Variants in TSC2 observed in about 807,000 individuals in gnomAD.
TSC2 encodes TSC complex subunit 2.
A neutral mutation model predicts 202.2 loss-of-function variants in TSC2; 29 were observed. The ratio of observed to expected loss-of-function variants is 0.14; its 90% CI spans 0.11 to 0.20. The LOEUF (loss-of-function observed/expected upper bound fraction) is 0.20, where lower values mean the gene tolerates loss of function less well. Ranked by LOEUF, TSC2 falls within the 10% of genes least tolerant of loss-of-function variation. The pLI is 1.00. For missense variants in TSC2, 2,429 were observed against 2,420.0 expected, an observed-to-expected ratio of 1.00 and a Z score of -0.08; for synonymous variants, 1,349 against 1,044.0, an observed-to-expected ratio of 1.29 and a Z score of -5.63.
intron 3 of TSC2, among the ~76,000 whole-genome samples, chr16:2,051,919 G>A (rs914559500): frequency 6.6e-5 from 10 of 152,184 alleles, no homozygotes; most frequent in Non-Finnish European, 1.2e-4. Context: ...ACAAAAATTA[G>A]CTGGGCATGG....
intron 32 of TSC2, 40 bp downstream of exon 32, chr16:2,082,544 C>T (rs760466256): frequency 1.9e-6 from 3 of 1,601,914 alleles, no homozygotes; most frequent in East Asian, 2.2e-5. Flanking sequence ...TGCAGAGCGC[C>T]ACTCTGCCTC....
At chr16:2,077,793 T>C in intron 26 of TSC2, 67 bp downstream of exon 26, 4 of 1,600,996 alleles carry the variant, frequency 2.5e-6, no homozygotes, top group South Asian at 2.2e-5. Context: ...TGGGTGGCAG[T>C]GCATGGGGCT....
chr16:2,048,675 A>C lies in TSC2; in HGVS notation c.60A>C (p.Gly20=), dbSNP rs1060504108. The change falls in exon 2 of 42, where the codon GGA becomes GGC. Residue 20 remains glycine, a synonymous_variant. Coordinates refer to ENST00000219476, the MANE Select transcript of TSC2 (RefSeq NM_000548.5). ...AGGAGAAGTTTAAGATTCTGTTGGG[A>C]CTGGGAACACCGAGGCCAAATCCCA... The part of the protein sequence containing the change: ...GLKEKFKILL[G]LGTPRPNPRS... The C allele has an allele frequency of 2.5e-6, 4 of 1,613,996 alleles. No individual in the cohort carries two copies. The highest frequency in any genetic ancestry group is 3.4e-6 in the Non-Finnish European group (4 of 1,180,032).
At chr16:2,051,026 A>G (rs2085046750) in intron 3 of TSC2, among the ~76,000 whole-genome samples, 1 of 152,088 alleles carries the variant, frequency 6.6e-6, no homozygotes, top group Admixed American at 6.6e-5. Flanking sequence ...GCAACACCAG[A>G]AAGGATTTCT....
chr16:2,053,656 A>C, intron 4 of TSC2: 1 of 684,134 alleles, frequency 1.5e-6, no homozygotes, highest in Non-Finnish European at 2.7e-6. Flanking sequence ...CCTCGCCTGT[A>C]AACAGATGGT....
chr16:2,056,636 T>C lies in TSC2; in HGVS notation c.649-8T>C, dbSNP rs769803918. ...AGGACGGGCGTGAGCCGTCTCCCTC[T>C]CCACCAGGTCTCCCTGCAGGTGCTG... On this transcript the variant is annotated splice_region_variant and splice_polypyrimidine_tract_variant and intron_variant, in intron 7 of 41. Coordinates refer to ENST00000219476, the MANE Select transcript of TSC2 (RefSeq NM_000548.5). 9 of 1,609,398 alleles carry C rather than the reference T, an allele frequency of 5.6e-6. No individual in the cohort carries two copies. In the South Asian group the frequency reaches 9.9e-5, roughly 18 times the overall value.
chr16:2,084,032 A>C (rs560408260), intron 33 of TSC2, among the ~76,000 whole-genome samples, 196 bp from the exon 34 acceptor site: 1 of 152,238 alleles, frequency 6.6e-6, no homozygotes, highest in Non-Finnish European at 1.5e-5. Flanking sequence ...GGATGCTGAT[A>C]CCTCTGCTCA....
chr16:2,081,887 G>T, intron 31 of TSC2, 89 bp downstream of exon 31: 1 of 1,526,712 alleles, frequency 6.6e-7, no homozygotes, highest in Non-Finnish European at 8.9e-7. Flanking sequence ...TCTGCTGAGG[G>T]CGCCCACACG....
rs568015523 is a variant in TSC2, at chr16:2,082,454, T to C, written c.3833T>C (p.Leu1278Pro). 6.2e-7 allele frequency: 1 copy of C among 1,612,556 alleles called. No homozygotes were observed. Among genetic ancestry groups the C allele is most frequent in the African/African-American group, 1.3e-5 (1 of 75,066 alleles). The part of the protein sequence containing the change: ...RSNTVASFSS[L>P]YQSSCQGQLH... The stretch of plus-strand genomic sequence containing the variant: ...CTTGCAGTGGCCTCTTTCTCCTCCC[T>C]GTACCAGTCCAGCTGCCAAGGACAG... Residue 1278 changes from leucine to proline, a missense_variant, in exon 32 of 42, where the codon CTG becomes CCG. Physicochemically the swap from Leu to Pro is moderately conservative, Grantham distance 98. Transcript: ENST00000219476.
chr16:2,048,803 G>A lies in TSC2; in HGVS notation c.138+50G>A, dbSNP rs777075671. 31 of 1,612,854 alleles carry A rather than the reference G, an allele frequency of 1.9e-5. No homozygotes were observed. In the East Asian group the frequency reaches 6.0e-4, roughly 31 times the overall value. On this transcript the variant is annotated intron_variant, in intron 2 of 41. Transcript: ENST00000219476. ...CTAGGCTAGAGGGAAATGCAGAGAA[G>A]GCTGGGTTTGGTCTTGCACCAGGTT...
At chr16:2,076,831 T>C (rs1409419435) in intron 25 of TSC2, among the ~76,000 whole-genome samples, 1 of 152,128 alleles carries the variant, frequency 6.6e-6, no homozygotes, top group African/African-American at 2.4e-5. Context: ...GGGGTTGGGG[T>C]GCAAGCTTTA....
At chr16:2,051,817 C>A (rs1272745560) in intron 3 of TSC2, among the ~76,000 whole-genome samples, 16 of 152,176 alleles carry the variant, frequency 1.1e-4, no homozygotes, top group Admixed American at 1.0e-3. Flanking sequence ...GTAATCCCAG[C>A]ACTTTGGGAG....
rs1056551211 is a variant in TSC2 at position 2,088,853 on chromosome 16, C to G, written c.*243C>G. The G allele has an allele frequency of 5.2e-6, 3 of 575,134 alleles. No homozygotes were observed. Among genetic ancestry groups the G allele is most frequent in the African/African-American group, 1.9e-5 (1 of 51,582 alleles). 35.6% of individuals were successfully genotyped at this position (575,134 alleles called of 1,614,324 possible). ...CCGAGGGCCTTGAGGCTGCCTGGGC[C>G]ATACAGCACACTCGCGCGTGCGCGC... On this transcript the variant is annotated 3_prime_UTR_variant, in exon 42 of 42. Transcript: ENST00000219476.
rs746773089 is a variant in TSC2 at position 2,079,474 on chromosome 16, G to A, written c.3284+46G>A. On this transcript the variant is annotated intron_variant, in intron 28 of 41. Transcript: ENST00000219476. The surrounding 1 kb of genome is among the most constrained non-coding windows in gnomAD (Gnocchi z 4.6). ...TCCGCGCCTGCCAGCCTCGACACCG[G>A]CTGTCCCGAGCCCAGGCCCACGTGG... 6.2e-7 allele frequency: 1 copy of A among 1,611,182 alleles called. No homozygotes were observed. Among genetic ancestry groups the A allele is most frequent in the South Asian group, 1.1e-5 (1 of 90,898 alleles).
At chr16:2,055,001 C>T (rs2096171009) in intron 5 of TSC2, 1 of 351,656 alleles carries the variant, frequency 2.8e-6, no homozygotes, top group African/African-American at 2.1e-5. Context: ...GTCAGGTTTC[C>T]TGTCTGAGGT....
intron 37 of TSC2, among the ~76,000 whole-genome samples, 156 bp from the exon 38 acceptor site, chr16:2,086,575 GC>G (rs2090822809): frequency 6.6e-6 from 1 of 152,190 alleles, no homozygotes; most frequent in Non-Finnish European, 1.5e-5. Flanking sequence ...CCAAAGCCCT[GC>G]CCCTGGGGAG....
chr16:2,053,219 G>A (rs2085342186), intron 3 of TSC2, 123 bp from the exon 4 acceptor site: 2 of 938,752 alleles, frequency 2.1e-6, no homozygotes, highest in East Asian at 2.6e-5. Flanking sequence ...CTTTGGAGGT[G>A]GGGCTCTCAG....
rs1064793797 is a variant in TSC2, at chr16:2,083,763, G to C, written c.3952G>C (p.Glu1318Gln). Residue 1318 changes from glutamate (E) to glutamine (Q), a missense_variant, in exon 33 of 42, where the codon GAG becomes CAG. By Grantham distance (29) the Glu-to-Gln change is conservative. Transcript: ENST00000219476. ...TGTGCTGGTGGAGCCCCCAGGGTTG[G>C]AGGACGTTGAGGCAGCGCTAGGCAT... is the stretch of plus-strand genomic sequence containing the variant. ...VPVLVEPPGLEDVEAALGMDR... is the reference protein window; with the variant it reads ...VPVLVEPPGLQDVEAALGMDR... The C allele has an allele frequency of 6.2e-7, 1 of 1,610,620 alleles. No individual in the cohort carries two copies. The highest frequency in any genetic ancestry group is 2.2e-5 in the East Asian group (1 of 44,804).
Position 2,062,073 on chromosome 16 carries a change from G to A in TSC2, c.1257+65G>A, listed in dbSNP as rs376821768. On this transcript the variant is annotated intron_variant, in intron 12 of 41. Transcript: ENST00000219476. Reference sequence around the variant, plus strand: ...GGTGGGGAGGGGCCGGGTGCTGGGTGAAGTGCAGCTTTCTGAGCCTCAGAA... The same window carrying A: ...GGTGGGGAGGGGCCGGGTGCTGGGTAAAGTGCAGCTTTCTGAGCCTCAGAA... 40 of 1,606,020 alleles carry A rather than the reference G, an allele frequency of 2.5e-5. No homozygotes were observed. In the African/African-American group the frequency reaches 4.4e-4, roughly 18 times the overall value.
Sources: gnomAD v4.1 joint callset for allele counts (sites outside exome capture counted in the v4.1 genomes callset) on GRCh38, gnomAD v4.1.1 for gene constraint, Gnocchi (gnomAD v3.1) non-coding constraint, MANE v1.5 for transcripts, NCBI Gene and HGNC (gene_info 2026-07-23, HGNC 2026-07-21) for gene names.